SLC35F1: variants seen among roughly 807,000 people sequenced by gnomAD.
SLC35F1 encodes chromosome 6 open reading frame 169.
SLC35F1 carries 14 observed loss-of-function variants against 48.7 expected under a neutral mutation model. The observed-to-expected ratio is 0.29, with a 90% CI of 0.19 to 0.45. The LOEUF is 0.45. SLC35F1 is among the 20% of genes least tolerant of loss of function. The pLI is 1.00. For missense variants in SLC35F1, 404 were observed against 500.0 expected (o/e 0.81, Z 1.83); for synonymous variants, 190 against 202.2 (o/e 0.94, Z 0.51).
intron 1 of SLC35F1, among the ~76,000 whole-genome samples, chr6:118,005,402 C>G (rs1777160970): frequency 1.3e-5 from 2 of 152,100 alleles, no homozygotes; most frequent in South Asian, 4.1e-4. Flanking sequence ...ACCATAGTGT[C>G]TTCTTTATTT....
At chr6:118,011,104 G>A (rs913412630) in intron 1 of SLC35F1, among the ~76,000 whole-genome samples, 1 of 152,098 alleles carries the variant, frequency 6.6e-6, no homozygotes, top group East Asian at 1.9e-4. Context: ...ACAGTTTTGT[G>A]GTAGACAGTT....
chr6:117,914,407 T>C (rs1208189132), intron 1 of SLC35F1, among the ~76,000 whole-genome samples: 1 of 152,196 alleles, frequency 6.6e-6, no homozygotes, highest in Non-Finnish European at 1.5e-5. Context: ...ATACTAATTA[T>C]ATACAGATTT....
chr6:118,299,040 G>A (rs1312396196), intron 7 of SLC35F1, among the ~76,000 whole-genome samples: 1 of 152,010 alleles, frequency 6.6e-6, no homozygotes, highest in Non-Finnish European at 1.5e-5. Context: ...AATTAGCCGG[G>A]CATGGTGGCA....
At chr6:118,204,284 A>C (rs560811491) in intron 2 of SLC35F1, among the ~76,000 whole-genome samples, 1 of 152,068 alleles carries the variant, frequency 6.6e-6, no homozygotes, top group Non-Finnish European at 1.5e-5. Flanking sequence ...ATGATAAGGA[A>C]GTGAAAGAGT....
intron 1 of SLC35F1, among the ~76,000 whole-genome samples, chr6:118,015,413 A>C (rs902731227): frequency 2.6e-5 from 4 of 151,746 alleles, no homozygotes; most frequent in African/African-American, 9.7e-5. Flanking sequence ...CTAGTACCCA[A>C]TAGTTATTTT....
At chr6:118,274,272 T>C (rs1395519945) in intron 4 of SLC35F1, among the ~76,000 whole-genome samples, 1 of 152,216 alleles carries the variant, frequency 6.6e-6, no homozygotes, top group Non-Finnish European at 1.5e-5. Flanking sequence ...CTCTAGCTGC[T>C]TATTTCTGCT....
At chr6:118,084,212 A>T (rs1410326895) in intron 1 of SLC35F1, among the ~76,000 whole-genome samples, 1 of 151,996 alleles carries the variant, frequency 6.6e-6, no homozygotes, top group Admixed American at 6.6e-5. Context: ...TCTCTTCCTA[A>T]CTTTATAAAG....
At chr6:118,248,778 T>C (rs1775538053) in intron 3 of SLC35F1, among the ~76,000 whole-genome samples, 2 of 152,224 alleles carry the variant, frequency 1.3e-5, no homozygotes, top group African/African-American at 2.4e-5. Context: ...GGAAAACTAA[T>C]ACAGTTGGAG....
chr6:118,150,512 A>T (rs1249953306), intron 1 of SLC35F1, among the ~76,000 whole-genome samples: 1 of 152,188 alleles, frequency 6.6e-6, no homozygotes, highest in African/African-American at 2.4e-5. Flanking sequence ...GCATATTGCC[A>T]AAGTTTTTGA....
At chr6:118,108,852 C>G (rs1377165618) in intron 1 of SLC35F1, among the ~76,000 whole-genome samples, 1 of 152,016 alleles carries the variant, frequency 6.6e-6, no homozygotes, top group Non-Finnish European at 1.5e-5. Flanking sequence ...ATGTTATTTT[C>G]TCACACTGGG....
intron 2 of SLC35F1, among the ~76,000 whole-genome samples, chr6:118,155,574 C>T (rs78265297): frequency 0.074 from 11,273 of 152,194 alleles, 595 homozygotes; most frequent in East Asian, 0.19. Context: ...TTCCCAGCCT[C>T]CAGAACCATA....
At chr6:118,292,832 C>T (rs1035510019) in intron 7 of SLC35F1, among the ~76,000 whole-genome samples, 1 of 152,054 alleles carries the variant, frequency 6.6e-6, no homozygotes, top group Admixed American at 6.5e-5. Context: ...AAGCAAATGA[C>T]CTAATTCTAA....
intron 1 of SLC35F1, among the ~76,000 whole-genome samples, chr6:117,936,094 T>C (rs1166560007): frequency 6.6e-6 from 1 of 152,226 alleles, no homozygotes; most frequent in Non-Finnish European, 1.5e-5. Context: ...TGCTCATTGC[T>C]GTATTTGAGA....
intron 2 of SLC35F1, among the ~76,000 whole-genome samples, chr6:118,228,052 G>C (rs1380172576): frequency 6.6e-6 from 1 of 152,170 alleles, no homozygotes; most frequent in Non-Finnish European, 1.5e-5. Flanking sequence ...GCAGCCTGTG[G>C]CTAAACTCAG....
chr6:118,086,188 T>C (rs1772987401), intron 1 of SLC35F1, among the ~76,000 whole-genome samples: 1 of 152,242 alleles, frequency 6.6e-6, no homozygotes, highest in Admixed American at 6.5e-5. Flanking sequence ...TCTTAAATTC[T>C]CACAATTCAC....
At chr6:118,117,376 G>A (rs978428058) in intron 1 of SLC35F1, among the ~76,000 whole-genome samples, 2 of 152,040 alleles carry the variant, frequency 1.3e-5, no homozygotes, top group Non-Finnish European at 2.9e-5. Flanking sequence ...TAGAACAAAT[G>A]GAGAGGAAAA....
intron 2 of SLC35F1, among the ~76,000 whole-genome samples, chr6:118,156,301 G>A (rs529537750): frequency 2.0e-5 from 3 of 152,198 alleles, no homozygotes; most frequent in Non-Finnish European, 2.9e-5. Flanking sequence ...ATGAGTGACC[G>A]TGGCCCCTAA....
At chr6:118,213,223 G>C (rs1270951663) in intron 2 of SLC35F1, among the ~76,000 whole-genome samples, 1 of 152,034 alleles carries the variant, frequency 6.6e-6, no homozygotes, top group Non-Finnish European at 1.5e-5. Flanking sequence ...ACAAGTTATG[G>C]CATATTATAA....
chr6:118,134,399 AATGTTGGCTGC>A (rs1773762348), intron 1 of SLC35F1, among the ~76,000 whole-genome samples: 2 of 152,192 alleles, frequency 1.3e-5, no homozygotes, highest in Admixed American at 1.3e-4. Context: ...GGGAATTAGA[AATGTTGGCTGC>A]TTCCAGCTCT....
Sources: gnomAD v4.1 joint callset for allele counts (sites outside exome capture counted in the v4.1 genomes callset) on GRCh38, gnomAD v4.1.1 for gene constraint, MANE v1.5 for transcripts, NCBI Gene and HGNC (gene_info 2026-07-23, HGNC 2026-07-21) for gene names.